Variants in ZNF438 observed in about 807,000 individuals in gnomAD.
ZNF438 encodes the protein zinc finger protein 438.
In ZNF438, 25 loss-of-function variants were observed where a neutral mutation model predicts 38.0. That is an observed-to-expected ratio of 0.66 (90% CI 0.48 to 0.92). The LOEUF is 0.92. Ranked by LOEUF, ZNF438 falls within the 40% of genes least tolerant of loss-of-function variation. The probability of loss-of-function intolerance (pLI) is 0.00; values close to 1 mark genes in which losing one functional copy is unlikely to be tolerated. For synonymous variants in ZNF438, 372 were observed against 364.1 expected, an observed-to-expected ratio of 1.02 and a Z score of -0.25; for missense variants, 1,007 against 999.6, an observed-to-expected ratio of 1.01 and a Z score of -0.10.
chr10:30,925,675 A>G (rs978936792), intron 2 of ZNF438, among the ~76,000 whole-genome samples: 1 of 152,174 alleles, frequency 6.6e-6, no homozygotes, highest in Non-Finnish European at 1.5e-5. Context: ...CCCCAATAGA[A>G]TGTCAGTGAG....
intron 1 of ZNF438, among the ~76,000 whole-genome samples, chr10:30,949,739 T>G (rs549936016): frequency 1.8e-3 from 271 of 151,768 alleles, no homozygotes; most frequent in Non-Finnish European, 2.1e-3. Context: ...GCACCCAGAT[T>G]CATAAAGCAA....
rs1480249389 is a variant in ZNF438 at position 30,845,677 on chromosome 10, G to T, written c.1875-104C>A. Reference sequence around the variant, plus strand: ...CAGGGATCTAAAACATAACACTGACGAGAAAGACAAGGGCTGGGGTAAACA... The same window carrying T: ...CAGGGATCTAAAACATAACACTGACTAGAAAGACAAGGGCTGGGGTAAACA... On this transcript the variant is annotated intron_variant, in intron 5 of 5. Coordinates refer to ENST00000413025, the Ensembl canonical transcript of ZNF438. The T allele has an allele frequency of 2.2e-6, 3 of 1,375,736 alleles. No homozygotes were observed. The highest frequency in any genetic ancestry group is 2.9e-5 in the African/African-American group (2 of 68,954). 85.2% of individuals were successfully genotyped at this position (1,375,736 alleles called of 1,614,324 possible).
chr10:30,941,945 A>C (rs1237795780), intron 1 of ZNF438, among the ~76,000 whole-genome samples: 5 of 152,254 alleles, frequency 3.3e-5, no homozygotes, highest in African/African-American at 1.2e-4. Context: ...GAATTATTTA[A>C]AATTTAGCTG....
intron 1 of ZNF438, among the ~76,000 whole-genome samples, chr10:30,971,181 A>G (rs1372426702): frequency 6.6e-6 from 1 of 152,232 alleles, no homozygotes; most frequent in Non-Finnish European, 1.5e-5. Context: ...TATAAAATAA[A>G]CTATTTTACT....
chr10:30,902,545 G>A (rs1339500936), intron 3 of ZNF438, among the ~76,000 whole-genome samples: 2 of 152,122 alleles, frequency 1.3e-5, no homozygotes, highest in East Asian at 3.9e-4. Context: ...TAGACATAGA[G>A]TGCCGATTGG....
At chr10:30,847,883 G>A (rs1164636629) in intron 5 of ZNF438, among the ~76,000 whole-genome samples, 1 of 152,178 alleles carries the variant, frequency 6.6e-6, no homozygotes, top group Non-Finnish European at 1.5e-5. Flanking sequence ...TGCCTGGCTC[G>A]CCCTTGGCAG....
intron 1 of ZNF438, among the ~76,000 whole-genome samples, chr10:30,963,606 G>C (rs2049783491): frequency 1.3e-5 from 2 of 152,020 alleles, no homozygotes; most frequent in Admixed American, 1.3e-4. Context: ...AGGCCCTGTG[G>C]CTCACGCCTG....
intron 1 of ZNF438, among the ~76,000 whole-genome samples, chr10:30,967,028 T>C (rs1196325417): frequency 1.3e-5 from 2 of 152,228 alleles, no homozygotes; most frequent in Non-Finnish European, 2.9e-5. Flanking sequence ...AGATGTGCTA[T>C]AAGCAGTAAG....
At chr10:31,004,038 G>C (rs1044045051) in intron 1 of ZNF438, among the ~76,000 whole-genome samples, 1 of 152,166 alleles carries the variant, frequency 6.6e-6, no homozygotes, top group Non-Finnish European at 1.5e-5. Flanking sequence ...GAGAACTTCA[G>C]GCTACATAAG....
chr10:31,010,009 C>T (rs565310549), intron 1 of ZNF438, among the ~76,000 whole-genome samples: 285 of 152,008 alleles, frequency 1.9e-3, no homozygotes, highest in African/African-American at 6.4e-3. Context: ...CCATGACAAC[C>T]GGCTAATTTT....
chr10:30,952,199 T>G (rs1329206852), intron 1 of ZNF438, among the ~76,000 whole-genome samples: 1 of 151,530 alleles, frequency 6.6e-6, no homozygotes, highest in Admixed American at 6.6e-5. Context: ...GCTAGACATA[T>G]GTAGAAAGCT....
chr10:30,909,619 T>C (rs1402089576), intron 2 of ZNF438, among the ~76,000 whole-genome samples: 1 of 152,222 alleles, frequency 6.6e-6, no homozygotes, highest in Non-Finnish European at 1.5e-5. Flanking sequence ...TTGATGAAAG[T>C]AATAAAAGCA....
intron 1 of ZNF438, among the ~76,000 whole-genome samples, chr10:31,019,791 A>T (rs555071791): frequency 4.5e-4 from 69 of 152,282 alleles, no homozygotes; most frequent in African/African-American, 1.6e-3. Context: ...CTAAAAATTT[A>T]TTTGTTGCTT....
intron 1 of ZNF438, among the ~76,000 whole-genome samples, chr10:30,947,007 T>C (rs778766692): frequency 2.0e-5 from 3 of 152,220 alleles, no homozygotes; most frequent in Non-Finnish European, 4.4e-5. Context: ...AATTTATCTA[T>C]TTCCTCCTTC....
At position 31,013,930 on chromosome 10, in the gene ZNF438, C is replaced by T. The variant is rs558054851; in HGVS notation, c.-192+17903G>A. Reference sequence around the variant, plus strand: ...AACTGTTTTTACTGTCTCCCCTACCCCACATCATTTCCTACTTAACCCTCT... The same window carrying T: ...AACTGTTTTTACTGTCTCCCCTACCTCACATCATTTCCTACTTAACCCTCT... On this transcript the variant is annotated intron_variant, in intron 1 of 5. Coordinates refer to ENST00000413025, the Ensembl canonical transcript of ZNF438. 7.9e-5 allele frequency among the ~76,000 whole-genome samples: 12 copies of T among 152,272 alleles called. No individual in the cohort carries two copies. In the South Asian group the frequency reaches 2.5e-3, roughly 32 times the overall value.
chr10:31,009,487 C>A (rs543670138), intron 1 of ZNF438, among the ~76,000 whole-genome samples: 53 of 152,224 alleles, frequency 3.5e-4, no homozygotes, highest in African/African-American at 1.3e-3. Context: ...ACAGTTATAC[C>A]AAGGATAGTT....
intron 1 of ZNF438, among the ~76,000 whole-genome samples, chr10:30,992,489 T>A (rs572927853): frequency 6.6e-6 from 1 of 151,754 alleles, no homozygotes; most frequent in South Asian, 2.1e-4. Flanking sequence ...CTCAGCTCAC[T>A]GCAACCTCTA....
chr10:30,985,314 G>A (rs146815900), intron 1 of ZNF438, among the ~76,000 whole-genome samples: 177 of 152,314 alleles, frequency 1.2e-3, no homozygotes, highest in African/African-American at 4.1e-3. Flanking sequence ...AGACAGGACA[G>A]AGAAAGTGTT....
At chr10:30,903,693 A>C (rs907228021) in intron 3 of ZNF438, among the ~76,000 whole-genome samples, 1 of 152,200 alleles carries the variant, frequency 6.6e-6, no homozygotes, top group African/African-American at 2.4e-5. Flanking sequence ...GTATTTAAAA[A>C]ATATATACCA....
Sources: gnomAD v4.1 joint callset for allele counts (sites outside exome capture counted in the v4.1 genomes callset) on GRCh38, gnomAD v4.1.1 for gene constraint, MANE v1.5 for transcripts, NCBI Gene and HGNC (gene_info 2026-07-23, HGNC 2026-07-21) for gene names.